The following KCMF1 variants were observed in gnomAD, a reference collection of about 807,000 sequenced individuals.
The protein encoded by KCMF1 is potassium channel modulatory factor 1.
In KCMF1, 3 loss-of-function variants were observed where a neutral mutation model predicts 41.1. The ratio of observed to expected loss-of-function variants is 0.07; its 90% CI spans 0.03 to 0.19. KCMF1 has a LOEUF of 0.19. Among genes scored for constraint, KCMF1 ranks in the 10% least tolerant of loss-of-function variants. The pLI is 1.00. For synonymous variants in KCMF1, 142 were observed against 164.5 expected, an observed-to-expected ratio of 0.86 and a Z score of 1.04; for missense variants, 286 against 488.9, an observed-to-expected ratio of 0.58 and a Z score of 3.91.
chr2:85,011,054 T>C (rs1052506239), intron 1 of KCMF1, among the ~76,000 whole-genome samples: 5 of 152,084 alleles, frequency 3.3e-5, no homozygotes, highest in African/African-American at 9.7e-5. Flanking sequence ...GTGTTGGCCA[T>C]GATGGTCTCG....
intron 4 of KCMF1, among the ~76,000 whole-genome samples, chr2:85,043,980 T>C (rs1675604358): frequency 6.6e-6 from 1 of 152,244 alleles, no homozygotes; most frequent in African/African-American, 2.4e-5. Context: ...TTTCTCTTTT[T>C]ATATACTATC....
intron 3 of KCMF1, among the ~76,000 whole-genome samples, chr2:85,042,726 G>A (rs900129845): frequency 6.6e-6 from 1 of 152,088 alleles, no homozygotes; most frequent in African/African-American, 2.4e-5. Context: ...TTTGAATTTC[G>A]GAAGAGTAAG....
At chr2:85,013,086 G>C (rs779170401) in intron 1 of KCMF1, among the ~76,000 whole-genome samples, 1 of 152,136 alleles carries the variant, frequency 6.6e-6, no homozygotes, top group African/African-American at 2.4e-5. Context: ...GCTAGAACAA[G>C]TCATCTTTCA....
rs1675975449 is a variant in KCMF1 at position 85,058,019 on chromosome 2, G to C, written c.*4610G>C. 6.6e-6 allele frequency: 1 copy of C among 152,224 alleles called. No homozygotes were observed. The highest frequency in any genetic ancestry group is 1.5e-5 in the Non-Finnish European group (1 of 68,050). The allele number at this position is 152,224 out of a possible 1,614,324, so 9.4% of individuals were successfully genotyped here. ...TCAATTAAAAAGAACCCTTAAGTCT[G>C]ACTGTCCCAGGTAACTTTACTTGCT... is the stretch of plus-strand genomic sequence containing the variant. On this transcript the variant is annotated 3_prime_UTR_variant, in exon 7 of 7. Coordinates refer to ENST00000409785, the MANE Select transcript of KCMF1 (RefSeq NM_020122.5).
chr2:85,015,997 A>G (rs1353372928), intron 1 of KCMF1, among the ~76,000 whole-genome samples: 2 of 152,206 alleles, frequency 1.3e-5, no homozygotes, highest in African/African-American at 2.4e-5. Context: ...TTGTTGTTAC[A>G]TATCACAGGA....
At chr2:85,025,753 C>T (rs1024454416) in intron 1 of KCMF1, among the ~76,000 whole-genome samples, 4 of 152,034 alleles carry the variant, frequency 2.6e-5, no homozygotes, top group African/African-American at 9.7e-5. Context: ...AGATTACAGG[C>T]ACACACCACC....
chr2:85,009,989 C>G (rs1048383335), intron 1 of KCMF1, among the ~76,000 whole-genome samples: 4 of 152,166 alleles, frequency 2.6e-5, no homozygotes, highest in Non-Finnish European at 5.9e-5. Context: ...TTAGCTTTCC[C>G]CTTTGCCCAT....
In KCMF1 at chr2:85,008,314, T is replaced by TATAATATATA. The variant is rs1553379335; in HGVS notation, c.17-19572_17-19571insATATATAATA. ...AATATATATAATATATAATATGATATATATATCATATATAATATATAATAT... is the reference window on the plus strand; with the variant it reads ...AATATATATAATATATAATATGATATATAATATATAATATATCATATATAATATATAATAT... On this transcript the variant is annotated intron_variant, in intron 1 of 6. Coordinates refer to ENST00000409785, the MANE Select transcript of KCMF1 (RefSeq NM_020122.5). Among the ~76,000 whole-genome samples the TATAATATATA allele has an allele frequency of 3.1e-4, 31 of 101,012 alleles. 1 individual carries two copies. Among genetic ancestry groups the TATAATATATA allele is most frequent in the African/African-American group, 1.4e-3 (31 of 22,224 alleles). 66.3% of individuals were successfully genotyped at this position (101,012 alleles called of 152,430 possible). A position where few individuals can be genotyped will look rare whatever the true frequency, so the allele number is the denominator to read the frequency against.
At chr2:85,024,569 AGAGAGAGAGAGAGAGT>A (rs1160186852) in intron 1 of KCMF1, among the ~76,000 whole-genome samples, 15 of 140,982 alleles carry the variant, frequency 1.1e-4, no homozygotes, top group Non-Finnish European at 2.2e-4. Flanking sequence ...AGAGAGAGAG[AGAGAGAGAGAGAGAGT>A]GTGTGTGTGT....
chr2:84,973,851 T>G (rs1252454191), intron 1 of KCMF1, among the ~76,000 whole-genome samples: 1 of 144,002 alleles, frequency 6.9e-6, no homozygotes, highest in African/African-American at 2.6e-5. Flanking sequence ...TTTTTTTAGC[T>G]GGAGTCTCAC....
chr2:85,005,006 A>G (rs1289498220), intron 1 of KCMF1, among the ~76,000 whole-genome samples: 2 of 151,956 alleles, frequency 1.3e-5, no homozygotes, highest in African/African-American at 2.4e-5. Flanking sequence ...TCCCAGGTTC[A>G]AGTGATTCTT....
chr2:84,988,929 A>G (rs1028480865), intron 1 of KCMF1, among the ~76,000 whole-genome samples: 5 of 152,242 alleles, frequency 3.3e-5, no homozygotes, highest in African/African-American at 1.2e-4. Context: ...GAACATGACT[A>G]TGATCTGGTA....
At chr2:85,049,872 C>G (rs1348067525) in intron 6 of KCMF1, among the ~76,000 whole-genome samples, 1 of 152,132 alleles carries the variant, frequency 6.6e-6, no homozygotes, top group African/African-American at 2.4e-5. Flanking sequence ...CCCAGTGGCT[C>G]ACACCTGTAA....
chr2:85,004,147 G>A (rs1674406813), intron 1 of KCMF1, among the ~76,000 whole-genome samples: 2 of 152,270 alleles, frequency 1.3e-5, no homozygotes, highest in East Asian at 3.9e-4. Flanking sequence ...CTTATGAATT[G>A]TTTGTCTCTG....
chr2:85,000,230 A>G (rs1041447429), intron 1 of KCMF1, among the ~76,000 whole-genome samples: 3 of 152,056 alleles, frequency 2.0e-5, no homozygotes, highest in Non-Finnish European at 4.4e-5. Context: ...GGTTCACGCC[A>G]TTCTCCTGCC....
intron 1 of KCMF1, among the ~76,000 whole-genome samples, chr2:85,018,210 G>A (rs1642728218): frequency 6.6e-6 from 1 of 151,708 alleles, no homozygotes; most frequent in East Asian, 1.9e-4. Context: ...GTTCAAGTTA[G>A]CATTTTACAA....
At chr2:85,029,763 C>A (rs1675219854) in intron 2 of KCMF1, among the ~76,000 whole-genome samples, 1 of 148,532 alleles carries the variant, frequency 6.7e-6, no homozygotes, top group South Asian at 2.1e-4. Context: ...CTCACTGCAA[C>A]CTCCACCTCC....
At position 84,976,315 on chromosome 2, in the gene KCMF1, T is replaced by G. The variant is rs1365817068; in HGVS notation, c.16+4848T>G. ...TCCACCTCCTGTGTTCGAGTGATTC[T>G]CCTGCCTCAGCCTCCCGAGTAGCTC... On this transcript the variant is annotated intron_variant, in intron 1 of 6. Coordinates refer to ENST00000409785, the MANE Select transcript of KCMF1 (RefSeq NM_020122.5). Among the ~76,000 whole-genome samples the G allele has an allele frequency of 3.3e-5, 5 of 151,694 alleles. No homozygotes were observed. In the East Asian group the frequency reaches 9.7e-4, roughly 29 times the overall value.
At chr2:85,052,671 CA>C in intron 6 of KCMF1, among the ~76,000 whole-genome samples, 1 of 152,164 alleles carries the variant, frequency 6.6e-6, no homozygotes, top group South Asian at 2.1e-4. Flanking sequence ...CTGCATATAC[CA>C]AGAAGAATTA....
Sources: gnomAD v4.1 joint callset for allele counts (sites outside exome capture counted in the v4.1 genomes callset) on GRCh38, gnomAD v4.1.1 for gene constraint, MANE v1.5 for transcripts, NCBI Gene and HGNC (gene_info 2026-07-23, HGNC 2026-07-21) for gene names.